The following IGFL4 variants were observed in gnomAD, a reference collection of about 807,000 sequenced individuals.
The protein encoded by IGFL4 is insulin growth factor-like family member 4.
In IGFL4, 12 loss-of-function variants were observed where a neutral mutation model predicts 15.4. The observed-to-expected ratio is 0.78, with a 90% confidence interval of 0.50 to 1.26. The LOEUF (loss-of-function observed/expected upper bound fraction) is 1.26. IGFL4 is among the 50% of genes most tolerant of loss of function. IGFL4 has a pLI of 0.00. For missense variants in IGFL4, 126 were observed against 147.8 expected, an observed-to-expected ratio of 0.85 and a Z score of 0.76; for synonymous variants, 54 against 55.9, an observed-to-expected ratio of 0.97 and a Z score of 0.16.
At chr19:46,055,691 CATAG>C in intron 2 of IGFL4, among the ~76,000 whole-genome samples, 1 of 152,152 alleles carries the variant, frequency 6.6e-6, no homozygotes, top group East Asian at 1.9e-4. Flanking sequence ...AATGTAGAAT[CATAG>C]ATATTTACAC....
At chr19:46,050,937 A>G (rs1427127050) in intron 2 of IGFL4, among the ~76,000 whole-genome samples, 1 of 152,216 alleles carries the variant, frequency 6.6e-6, no homozygotes, top group South Asian at 2.1e-4. Flanking sequence ...CAGGTAACCT[A>G]TAAAGGAAAA....
At chr19:46,051,809 G>A (rs1258435253) in intron 2 of IGFL4, among the ~76,000 whole-genome samples, 2 of 151,998 alleles carry the variant, frequency 1.3e-5, no homozygotes, top group Non-Finnish European at 2.9e-5. Context: ...CATGCAAATG[G>A]ACACCAAAAG....
chr19:46,068,988 GT>G (rs1969520505), intron 1 of IGFL4, among the ~76,000 whole-genome samples: 1 of 152,158 alleles, frequency 6.6e-6, no homozygotes. Flanking sequence ...TTTCCCCTCG[GT>G]CCTCTGATTC....
chr19:46,071,236 G>A (rs1484542842), intron 1 of IGFL4, among the ~76,000 whole-genome samples: 2 of 151,818 alleles, frequency 1.3e-5, no homozygotes, highest in African/African-American at 4.8e-5. Context: ...AGTCAGCAAA[G>A]TTCAGGGGCT....
chr19:46,070,660 CACTT>C (rs1211202547), intron 1 of IGFL4, among the ~76,000 whole-genome samples: 1 of 135,138 alleles, frequency 7.4e-6, no homozygotes, highest in Non-Finnish European at 1.6e-5. Context: ...GAAGCACCCT[CACTT>C]ACAACATCAG....
intron 1 of IGFL4, among the ~76,000 whole-genome samples, chr19:46,068,517 T>A (rs1299299828): frequency 6.6e-6 from 1 of 152,256 alleles, no homozygotes; most frequent in Non-Finnish European, 1.5e-5. Flanking sequence ...TTATTTGTCA[T>A]CCCGCTTTGT....
chr19:46,051,003 G>A (rs1969340585), intron 2 of IGFL4, among the ~76,000 whole-genome samples: 1 of 152,210 alleles, frequency 6.6e-6, no homozygotes, highest in African/African-American at 2.4e-5. Context: ...AGAAGGGATT[G>A]AGGTCCTATC....
At chr19:46,071,168 G>C (rs1430884470) in intron 1 of IGFL4, among the ~76,000 whole-genome samples, 1 of 149,888 alleles carries the variant, frequency 6.7e-6, no homozygotes, top group Non-Finnish European at 1.5e-5. Flanking sequence ...CTGCCTATGT[G>C]TATCAGCTCA....
At chr19:46,042,544 G>A (rs1483428153), upstream of IGFL4, among the ~76,000 whole-genome samples, 1 of 152,232 alleles carries the variant, frequency 6.6e-6, no homozygotes, top group East Asian at 1.9e-4. Flanking sequence ...AACTATCTAT[G>A]TAGAAAATCC....
At position 46,052,953 on chromosome 19, in the gene IGFL4, A is replaced by C. The variant is rs62113444; in HGVS notation, c.-323+7232T>G. On this transcript the variant is annotated intron_variant, in intron 2 of 5. Coordinates refer to the IGFL4 transcript ENST00000601672. The stretch of plus-strand genomic sequence containing the variant: ...GTAGTGGGAATTGAAAAGCTTTGGG[A>C]GAAGTCAGAAAAGAAAAAAAAAAAA... Among the ~76,000 whole-genome samples, 4 of 105,820 alleles carry C rather than the reference A, an allele frequency of 3.8e-5. No individual in the cohort carries two copies. The South Asian group carries it at 1.3e-3, about 35-fold the overall frequency. The allele number at this position is 105,820 out of a possible 152,430, so 69.4% of individuals were successfully genotyped here.
At chr19:46,056,151 A>G (rs978458983) in intron 2 of IGFL4, among the ~76,000 whole-genome samples, 12 of 152,234 alleles carry the variant, frequency 7.9e-5, no homozygotes, top group Non-Finnish European at 4.4e-5. Flanking sequence ...AATGCAATCA[A>G]TAGGACTTGC....
At chr19:46,072,492 A>G (rs1969556050) in intron 1 of IGFL4, among the ~76,000 whole-genome samples, 1 of 152,216 alleles carries the variant, frequency 6.6e-6, no homozygotes, top group Non-Finnish European at 1.5e-5. Flanking sequence ...ATTTATACCC[A>G]TGGGATTTTA....
Position 46,066,932 on chromosome 19 carries a change from A to G in IGFL4, c.-431-6639T>C, listed in dbSNP as rs138837038. 1.1e-3 allele frequency among the ~76,000 whole-genome samples: 162 copies of G among 152,278 alleles called. 1 individual carries two copies. The highest frequency in any genetic ancestry group is 3.7e-3 in the African/African-American group (153 of 41,558). Reference sequence around the variant, plus strand: ...AGTAAGCATGAATTATGTTCACCCAATCGTACTCCTAAAACCATCTCAGCT... The same window carrying G: ...AGTAAGCATGAATTATGTTCACCCAGTCGTACTCCTAAAACCATCTCAGCT... On this transcript the variant is annotated intron_variant, in intron 1 of 5. Transcript: ENST00000601672.
Position 46,054,778 on chromosome 19 carries a change from G to A in IGFL4, c.-323+5407C>T, listed in dbSNP as rs147804551. Among the ~76,000 whole-genome samples, 407 of 152,262 alleles carry A rather than the reference G, an allele frequency of 2.7e-3. 25 individuals carry two copies. In the East Asian group the frequency reaches 0.073, roughly 27 times the overall value. ...CTGAGGGTTCCAAGGGAAGATGAAT[G>A]TGAGGAAAACAGTGAGTAGCCTAGA... On this transcript the variant is annotated intron_variant, in intron 2 of 5. Transcript: ENST00000601672.
upstream of IGFL4, among the ~76,000 whole-genome samples, chr19:46,044,352 C>T (rs377459802): frequency 2.3e-4 from 35 of 152,292 alleles, no homozygotes; most frequent in South Asian, 6.8e-3. Context: ...ATACATATTT[C>T]TATGAAGGGG....
intron 2 of IGFL4, among the ~76,000 whole-genome samples, chr19:46,049,454 G>A (rs1275092693): frequency 6.6e-6 from 1 of 152,112 alleles, no homozygotes; most frequent in Non-Finnish European, 1.5e-5. Flanking sequence ...CTGGCCTTTT[G>A]GGTTGTGGGC....
At chr19:46,070,928 G>A (rs1286470136) in intron 1 of IGFL4, among the ~76,000 whole-genome samples, 6 of 151,922 alleles carry the variant, frequency 3.9e-5, no homozygotes, top group Non-Finnish European at 8.8e-5. Flanking sequence ...AAATTGAATC[G>A]CCTAATCACC....
chr19:46,068,410 A>C (rs7250786), intron 1 of IGFL4, among the ~76,000 whole-genome samples: 66,004 of 152,162 alleles, frequency 0.43, 17,028 homozygotes, highest in Non-Finnish European at 0.59. Context: ...ACTGAATGCA[A>C]ACATGATGCT....
rs1459743859 is a variant in IGFL4, at chr19:46,040,367, G to A, written c.120C>T (p.Thr40=). ...CACAGCACTGCTCCAAGGGGTTGTA[G>A]GTCCACTCCCCGCACCTGGGCGCTG... is the stretch of plus-strand genomic sequence containing the variant. ...CQPAPRCGEW[T]YNPLEQCCDD... Residue 40 remains threonine (T), a synonymous_variant, in exon 3 of 4, where the codon ACC becomes ACT. Coordinates refer to ENST00000377697, the MANE Select transcript of IGFL4 (RefSeq NM_001002923.3). The surrounding 1 kb of genome is among the most constrained non-coding windows in gnomAD (Gnocchi z 4.1). The A allele has an allele frequency of 1.2e-6, 2 of 1,614,210 alleles. No homozygotes were observed. The highest frequency in any genetic ancestry group is 1.1e-5 in the South Asian group (1 of 91,088).
Sources: gnomAD v4.1 joint callset for allele counts (sites outside exome capture counted in the v4.1 genomes callset) on GRCh38, gnomAD v4.1.1 for gene constraint, Gnocchi (gnomAD v3.1) non-coding constraint, MANE v1.5 for transcripts, NCBI Gene and HGNC (gene_info 2026-07-23, HGNC 2026-07-21) for gene names.